Variants in SSC4D observed in about 807,000 individuals in gnomAD.
The protein encoded by SSC4D is scavenger receptor cysteine-rich domain-containing group B protein.
SSC4D carries 57 observed loss-of-function variants against 63.4 expected under a neutral mutation model. That is an observed-to-expected ratio of 0.90 (90% CI 0.73 to 1.12). The LOEUF is 1.12. SSC4D is among the 50% of genes most tolerant of loss of function. SSC4D has a pLI of 0.00. For synonymous variants in SSC4D, 352 were observed against 345.4 expected (o/e 1.02, Z -0.21); for missense variants, 791 against 806.4 (o/e 0.98, Z 0.23).
At chr7:76,401,315 C>T (rs1366547872) in intron 2 of SSC4D, among the ~76,000 whole-genome samples, 2 of 152,144 alleles carry the variant, frequency 1.3e-5, no homozygotes, top group Non-Finnish European at 2.9e-5. Flanking sequence ...AATGCTAAAT[C>T]CCATAATGAC....
chr7:76,400,457 C>T lies in SSC4D; in HGVS notation c.304G>A (p.Gly102Ser), dbSNP rs781363674. The T allele has an allele frequency of 3.7e-6, 6 of 1,608,620 alleles. No homozygotes were observed. Among genetic ancestry groups the T allele is most frequent in the Admixed American group, 1.7e-5 (1 of 59,530 alleles). Residue 102 changes from glycine to serine, a missense_variant, in exon 4 of 11, where the codon GGC becomes AGC. Coordinates refer to ENST00000275560, the MANE Select transcript of SSC4D (RefSeq NM_080744.2). ...ANVVCRQLGC[G>S]LALPVPRPLA... is the part of the protein sequence containing the mutation. ...GGCCGTGGCACGGGCAGTGCCAGGC[C>T]ACAGCCCAGCTGGCGACACACTACG...
Position 76,390,260 on chromosome 7 carries a change from G to A in SSC4D, c.1527C>T (p.Val509=). 6.2e-7 allele frequency: 1 copy of A among 1,613,974 alleles called. No individual in the cohort carries two copies. The highest frequency in any genetic ancestry group is 8.5e-7 in the Non-Finnish European group (1 of 1,179,946). Residue 509 remains valine, a synonymous_variant, in exon 11 of 11, where the codon GTC becomes GTT. Coordinates refer to ENST00000275560, the MANE Select transcript of SSC4D (RefSeq NM_080744.2). ...DDAWDLRAAG[V]LCRQLGCGQA... ...GGCCACAGCCCAGCTGGCGGCACAG[G>A]ACACCGGCTGCCCGCAGGTCCCAAG...
intron 5 of SSC4D, 95 bp downstream of exon 5, chr7:76,398,625 T>G (rs1804717020): frequency 7.2e-7 from 1 of 1,382,436 alleles, no homozygotes; most frequent in Non-Finnish European, 1.0e-6. Flanking sequence ...ACTTTACATC[T>G]TCAATTTGTA....
chr7:76,397,621 G>A lies in SSC4D; in HGVS notation c.765C>T (p.Asn255=). The change falls in exon 6 of 11, where the codon AAC becomes AAT. Residue 255 remains asparagine, a synonymous_variant. Coordinates refer to ENST00000275560, the MANE Select transcript of SSC4D (RefSeq NM_080744.2). ...GGGGCTCGCCGCCTTCGCAGTGCAC[G>A]TTGTCCAGCAGGATGTGTCCGGTGC... is the stretch of plus-strand genomic sequence containing the variant. ...GYGTGHILLD[N]VHCEGGEPRL... 22 of 1,613,152 alleles carry A rather than the reference G, an allele frequency of 1.4e-5. No individual in the cohort carries two copies. Among genetic ancestry groups the A allele is most frequent in the Non-Finnish European group, 1.8e-5 (21 of 1,179,720 alleles).
At position 76,390,090 on chromosome 7, in the gene SSC4D, T is replaced by C. The variant is rs1804460446; in HGVS notation, c.1697A>G (p.Glu566Gly). ...RWDAHNCDHS[E>G]DASVLCQPS ...AGGCTGGCACAGGACACTGGCATCC[T>C]CGCTGTGGTCACAGTTGTGGGCATC... Residue 566 changes from glutamate to glycine, a missense_variant, in exon 11 of 11, where the codon GAG (glutamate) becomes GGG (glycine). Transcript: ENST00000275560. 1 of 1,614,180 alleles carries C rather than the reference T, an allele frequency of 6.2e-7. No homozygotes were observed. The highest frequency in any genetic ancestry group is 8.5e-7 in the Non-Finnish European group (1 of 1,180,032).
At chr7:76,393,991 C>G (rs1804570735) in intron 7 of SSC4D, 87 bp from the exon 8 acceptor site, 1 of 1,349,238 alleles carries the variant, frequency 7.4e-7, no homozygotes, top group Non-Finnish European at 1.0e-6. Flanking sequence ...TACCAAGACC[C>G]CCAACCCTAC....
chr7:76,400,294 A>G lies in SSC4D; in HGVS notation c.467T>C (p.Leu156Pro). 1 of 1,478,258 alleles carries G rather than the reference A, an allele frequency of 6.8e-7. No individual in the cohort carries two copies. Among genetic ancestry groups the G allele is most frequent in the Non-Finnish European group, 9.0e-7 (1 of 1,110,582 alleles). The allele number at this position is 1,478,258 out of a possible 1,614,324, so 91.6% of individuals were successfully genotyped here. Reference sequence around the variant, plus strand: ...CCCAGGGCTCCACTCACCATCACACAGGACAGCCACATCCTCGTAGTGAAA... The same window carrying G: ...CCCAGGGCTCCACTCACCATCACACGGGACAGCCACATCCTCGTAGTGAAA... The part of the protein sequence containing the change: ...NCFHYEDVAV[L>P]CDEFLPTQPP... The change falls in exon 4 of 11, where the codon CTG (leucine) becomes CCG (proline). Residue 156 changes from leucine (L) to proline (P), a missense_variant. Leu to Pro is a moderately conservative substitution (Grantham distance 98, BLOSUM62 -3). Coordinates refer to ENST00000275560, the MANE Select transcript of SSC4D (RefSeq NM_080744.2).
Position 76,397,822 on chromosome 7 carries a change from G to A in SSC4D, c.564C>T (p.Ser188=), listed in dbSNP as rs769082537. The A allele has an allele frequency of 1.1e-5, 18 of 1,579,214 alleles. No homozygotes were observed. In the African/African-American group the frequency reaches 2.4e-4, roughly 21 times the overall value. ...GGTTCGCGCCCCCTACCAGGCGTAC[G>A]CTGCCCTCACCTGGGGATGGGGGCG... ...TTLPNGKSEG[S]VRLVGGANLC... The change falls in exon 6 of 11, where the codon AGC becomes AGT. Residue 188 remains serine (S), a synonymous_variant. Coordinates refer to ENST00000275560, the MANE Select transcript of SSC4D (RefSeq NM_080744.2).
chr7:76,393,071 G>C (rs891264202), intron 9 of SSC4D, among the ~76,000 whole-genome samples: 40 of 152,332 alleles, frequency 2.6e-4, no homozygotes, highest in African/African-American at 9.1e-4. Context: ...AGATTTAGCC[G>C]GGAGCAAACG....
chr7:76,393,850 G>A lies in SSC4D; in HGVS notation c.1001C>T (p.Ala334Val), dbSNP rs368362406. The change falls in exon 8 of 11, where the codon GCC (alanine) becomes GTC (valine). Residue 334 changes from alanine (A) to valine (V), a missense_variant. Physicochemically the swap from Ala to Val is moderately conservative, Grantham distance 64. Transcript: ENST00000275560. ...SRETALLTTA[A>V]WAAGKKSGRL... ...CTTACTTTTCTTCCCCGCGGCCCAG[G>A]CGGCGGTGGTGAGCAGTGCTGTCTC... The A allele has an allele frequency of 1.5e-4, 247 of 1,604,094 alleles. 1 individual carries two copies. The highest frequency in any genetic ancestry group is 2.1e-4 in the Non-Finnish European group (243 of 1,174,920).
At position 76,404,540 on chromosome 7, in the gene SSC4D, C is replaced by G. The variant is rs1024386865; in HGVS notation, c.-66-35G>C. ...AAGATCCCAAATGTTGCTGGGCCTC[C>G]CAGCACTTTGGGAGGCCGAGGTGGG... On this transcript the variant is annotated intron_variant, in intron 1 of 10. Coordinates refer to ENST00000275560, the MANE Select transcript of SSC4D (RefSeq NM_080744.2). 10 of 1,586,838 alleles carry G rather than the reference C, an allele frequency of 6.3e-6. No homozygotes were observed. The African/African-American group carries it at 1.3e-4, about 21-fold the overall frequency.
rs1804549992 is a variant in SSC4D at position 76,393,508 on chromosome 7, G to A, written c.1230C>T (p.Asn410=). 2 of 1,525,110 alleles carry A rather than the reference G, an allele frequency of 1.3e-6. No individual in the cohort carries two copies. The highest frequency in any genetic ancestry group is 1.7e-6 in the Non-Finnish European group (2 of 1,143,194). The allele number at this position is 1,525,110 out of a possible 1,614,324, so 94.5% of individuals were successfully genotyped here. The change falls in exon 9 of 11, where the codon AAC becomes AAT. Residue 410 remains asparagine, a synonymous_variant. Transcript: ENST00000275560. The part of the protein sequence containing the change: ...GYGRGPVLLD[N]VGCAGTEARL... The stretch of plus-strand genomic sequence containing the variant: ...GAGCCTCGGTGCCGGCGCAGCCCAC[G>A]TTGTCCAGCAGCACGGGGCCGCGGC...
At chr7:76,403,347 C>CTTTTTTTT (rs766899317) in intron 2 of SSC4D, among the ~76,000 whole-genome samples, 8 of 149,528 alleles carry the variant, frequency 5.4e-5, no homozygotes, top group East Asian at 2.0e-4. Context: ...GACTCCACTT[C>CTTTTTTTT]TTTTTTTTGA....
chr7:76,394,768 T>A lies in SSC4D; in HGVS notation c.946+485A>T, dbSNP rs185349286. On this transcript the variant is annotated intron_variant, in intron 7 of 10. Transcript: ENST00000275560. The stretch of plus-strand genomic sequence containing the variant: ...TGTATAATATATATATATATATATA[T>A]AAAATATGTATAATATATATGATAT... Among the ~76,000 whole-genome samples, 664 of 122,104 alleles carry A rather than the reference T, an allele frequency of 5.4e-3. 8 individuals carry two copies. Among genetic ancestry groups the A allele is most frequent in the African/African-American group, 0.021 (617 of 29,572 alleles). The allele number at this position is 122,104 out of a possible 152,430, so 80.1% of individuals were successfully genotyped here.
intron 9 of SSC4D, 101 bp downstream of exon 9, chr7:76,393,304 G>C (rs1047597955): frequency 4.2e-6 from 5 of 1,191,638 alleles, no homozygotes; most frequent in Non-Finnish European, 4.2e-6. Flanking sequence ...CTCCCCGGGC[G>C]GCAGTGCCGC....
intron 9 of SSC4D, 88 bp from the exon 10 acceptor site, chr7:76,392,129 G>T: frequency 7.3e-7 from 1 of 1,364,360 alleles, no homozygotes. Flanking sequence ...CTCTCCCCAG[G>T]AAAGCCTGTC....
At position 76,397,526 on chromosome 7, in the gene SSC4D, A is replaced by AGCGCGC; in HGVS notation, c.854_859dup (p.Ala286_Leu287insArgAla). 6.4e-7 allele frequency: 1 copy of AGCGCGC among 1,560,174 alleles called. No homozygotes were observed. The highest frequency in any genetic ancestry group is 1.2e-5 in the South Asian group (1 of 85,136). ...GCCCCTAGAGCCCGCACCTGCGCAG[A>AGCGCGC]GCGCGCCCGCGTCCTCGTGGTGGCC... is the stretch of plus-strand genomic sequence containing the variant. On this transcript the variant is annotated inframe_insertion, in exon 6 of 11. Transcript: ENST00000275560.
chr7:76,399,772 C>T (rs1247316887), intron 4 of SSC4D, among the ~76,000 whole-genome samples: 1 of 152,142 alleles, frequency 6.6e-6, no homozygotes, highest in East Asian at 1.9e-4. Flanking sequence ...AATCTTGCCA[C>T]CTTGGCCTCC....
intron 10 of SSC4D, among the ~76,000 whole-genome samples, chr7:76,391,514 G>A (rs1804492444): frequency 6.6e-6 from 1 of 152,142 alleles, no homozygotes; most frequent in Non-Finnish European, 1.5e-5. Flanking sequence ...AAACGTTTTT[G>A]AGTGATCCGC....
Sources: allele counts gnomAD v4.1 joint callset (sites outside exome capture counted in the v4.1 genomes callset), GRCh38; gene constraint gnomAD v4.1.1; transcripts MANE v1.5; gene names NCBI Gene and HGNC (gene_info 2026-07-23, HGNC 2026-07-21).